CTNNA2: variants seen among roughly 807,000 people sequenced by gnomAD.
The protein encoded by CTNNA2 is catenin alpha 2.
A neutral mutation model predicts 101.0 loss-of-function variants in CTNNA2; 42 were observed. The ratio of observed to expected loss-of-function variants is 0.42; its 90% CI spans 0.32 to 0.54. The LOEUF is 0.54. Among genes scored for constraint, CTNNA2 ranks in the 20% least tolerant of loss-of-function variants. The pLI is 0.14. For synonymous variants in CTNNA2, 450 were observed against 456.4 expected, an observed-to-expected ratio of 0.99 and a Z score of 0.18; for missense variants, 871 against 1,223.1, an observed-to-expected ratio of 0.71 and a Z score of 4.29.
chr2:79,982,336 A>AC (rs1691402216), intron 7 of CTNNA2, among the ~76,000 whole-genome samples: 1 of 106,486 alleles, frequency 9.4e-6, no homozygotes, highest in Non-Finnish European at 2.0e-5. Flanking sequence ...CACACATATA[A>AC]AACATATATA....
chr2:79,515,014 T>C (rs1200641173), intron 1 of CTNNA2, among the ~76,000 whole-genome samples: 1 of 152,176 alleles, frequency 6.6e-6, no homozygotes, highest in Non-Finnish European at 1.5e-5. Flanking sequence ...GAGTGCTGAT[T>C]TGATGAAGAG....
At chr2:80,472,650 A>G (rs1161068959) in intron 9 of CTNNA2, among the ~76,000 whole-genome samples, 1 of 152,096 alleles carries the variant, frequency 6.6e-6, no homozygotes, top group Admixed American at 6.6e-5. Flanking sequence ...AGGAGGAAGG[A>G]ACTGTGTTGA....
intron 18 of CTNNA2, among the ~76,000 whole-genome samples, chr2:80,641,482 G>A (rs550166897): frequency 1.4e-4 from 21 of 152,114 alleles, no homozygotes; most frequent in African/African-American, 2.2e-4. Flanking sequence ...TTCTTTAATC[G>A]TATGCCCGGC....
chr2:79,466,019 G>A (rs1670930554), intron 4 of CTNNA2, among the ~76,000 whole-genome samples: 1 of 152,152 alleles, frequency 6.6e-6, no homozygotes, highest in Admixed American at 6.5e-5. Flanking sequence ...ATCTCACTGG[G>A]GCTTGTCGGA....
chr2:79,698,106 A>T (rs995174748), intron 2 of CTNNA2, among the ~76,000 whole-genome samples: 1 of 152,070 alleles, frequency 6.6e-6, no homozygotes, highest in African/African-American at 2.4e-5. Context: ...TGCTGTGATA[A>T]CATATATGTA....
At chr2:79,367,250 T>C (rs1677771000) in intron 3 of CTNNA2, among the ~76,000 whole-genome samples, 1 of 152,186 alleles carries the variant, frequency 6.6e-6, no homozygotes, top group South Asian at 2.1e-4. Context: ...AGCTAGCACC[T>C]TAATCTTGGA....
chr2:79,891,927 T>C (rs79009816), intron 6 of CTNNA2, among the ~76,000 whole-genome samples: 4,725 of 152,250 alleles, frequency 0.031, 328 homozygotes, highest in East Asian at 0.31. Context: ...CCATGAATAT[T>C]CTTTAATAAA....
chr2:79,189,021 C>T (rs907041623), intron 1 of CTNNA2, among the ~76,000 whole-genome samples: 8 of 152,156 alleles, frequency 5.3e-5, no homozygotes, highest in African/African-American at 1.4e-4. Context: ...GTGTCTGACA[C>T]ATTGCGTATG....
chr2:79,843,713 G>C (rs1051311592), intron 3 of CTNNA2, among the ~76,000 whole-genome samples: 1 of 152,176 alleles, frequency 6.6e-6, no homozygotes, highest in Non-Finnish European at 1.5e-5. Context: ...GCCACTTGCT[G>C]TTCAGAGTAG....
At chr2:80,222,671 G>A (rs879501546) in intron 7 of CTNNA2, among the ~76,000 whole-genome samples, 9 of 152,098 alleles carry the variant, frequency 5.9e-5, no homozygotes, top group Non-Finnish European at 1.0e-4. Context: ...CCAGGTGGGT[G>A]TACAAGGATG....
chr2:79,404,222 A>G (rs986472083), intron 4 of CTNNA2, among the ~76,000 whole-genome samples: 1 of 152,032 alleles, frequency 6.6e-6, no homozygotes, highest in African/African-American at 2.4e-5. Context: ...CACCAAGTAC[A>G]TGGTTGTCAT....
chr2:80,559,668 A>G (rs898099267), intron 12 of CTNNA2, among the ~76,000 whole-genome samples: 9 of 152,122 alleles, frequency 5.9e-5, no homozygotes, highest in African/African-American at 1.7e-4. Context: ...GCTGATGAAA[A>G]CACAATAAAT....
chr2:80,007,270 G>A (rs1048663963), intron 7 of CTNNA2, among the ~76,000 whole-genome samples: 6 of 151,984 alleles, frequency 3.9e-5, no homozygotes, highest in African/African-American at 1.2e-4. Context: ...TTTCAAAACC[G>A]AGAGACTGTG....
chr2:79,793,329 C>T (rs372927635), intron 3 of CTNNA2, among the ~76,000 whole-genome samples: 20 of 152,300 alleles, frequency 1.3e-4, no homozygotes, highest in Admixed American at 6.5e-4. Context: ...GATCCCCTTA[C>T]GCTGAGTCCC....
Position 79,301,136 on chromosome 2 carries a change from G to A in CTNNA2, c.-405-11573G>A, listed in dbSNP as rs1057444944. On this transcript the variant is annotated intron_variant, in intron 2 of 21. Transcript: ENST00000466387. ...AATTACTTTTTCTTTTCTCTCTTCT[G>A]TCTAAACTGTGTTGAGTCCCCTGTT... is the stretch of plus-strand genomic sequence containing the variant. 2.0e-5 allele frequency among the ~76,000 whole-genome samples: 3 copies of A among 152,134 alleles called. No individual in the cohort carries two copies. In the East Asian group the frequency reaches 5.8e-4, roughly 29 times the overall value.
chr2:80,145,563 A>G (rs1005214948), intron 7 of CTNNA2, among the ~76,000 whole-genome samples: 8 of 152,200 alleles, frequency 5.3e-5, no homozygotes, highest in African/African-American at 1.2e-4. Context: ...TCACGATTCA[A>G]TTAACAGGAA....
At chr2:80,028,706 A>T (rs1485491207) in intron 7 of CTNNA2, among the ~76,000 whole-genome samples, 1 of 152,218 alleles carries the variant, frequency 6.6e-6, no homozygotes, top group Admixed American at 6.5e-5. Context: ...TGTAATCACA[A>T]TTGTTCTTTA....
intron 2 of CTNNA2, among the ~76,000 whole-genome samples, chr2:79,722,884 T>C (rs1430407353): frequency 1.3e-5 from 2 of 152,246 alleles, no homozygotes; most frequent in East Asian, 3.9e-4. Flanking sequence ...TTGAGAGTTG[T>C]GTTATTTTGG....
intron 1 of CTNNA2, among the ~76,000 whole-genome samples, chr2:79,584,623 C>T (rs1036816649): frequency 1.3e-5 from 2 of 150,892 alleles, no homozygotes; most frequent in African/African-American, 4.9e-5. Flanking sequence ...CTCCTAGGTT[C>T]AAGAGATTCT....
Sources: gnomAD v4.1 joint callset for allele counts (sites outside exome capture counted in the v4.1 genomes callset) on GRCh38, gnomAD v4.1.1 for gene constraint, MANE v1.5 for transcripts, NCBI Gene and HGNC (gene_info 2026-07-23, HGNC 2026-07-21) for gene names.